Variants in ERC2 observed in about 807,000 individuals in gnomAD.
The protein encoded by ERC2 is ELKS/RAB6-interacting/CAST family member 2, also known as ERC protein 2.
In ERC2, 42 loss-of-function variants were observed where a neutral mutation model predicts 114.8. The observed-to-expected ratio is 0.37, with a 90% CI of 0.29 to 0.47. The LOEUF (loss-of-function observed/expected upper bound fraction) is 0.47. Among genes scored for constraint, ERC2 ranks in the 20% least tolerant of loss-of-function variants. ERC2 has a pLI of 0.99. For missense variants in ERC2, 939 were observed against 1,150.7 expected, an observed-to-expected ratio of 0.82 and a Z score of 2.66; for synonymous variants, 454 against 425.5, an observed-to-expected ratio of 1.07 and a Z score of -0.82.
chr3:55,922,286 A>G (rs2065474042), intron 13 of ERC2, among the ~76,000 whole-genome samples: 1 of 152,126 alleles, frequency 6.6e-6, no homozygotes. Flanking sequence ...ACCCAGGGGA[A>G]AAACATCATA....
intron 4 of ERC2, among the ~76,000 whole-genome samples, chr3:56,161,528 G>GA (rs1353589508): frequency 6.6e-6 from 1 of 152,154 alleles, no homozygotes; most frequent in Admixed American, 6.5e-5. Context: ...CACTCTATGA[G>GA]CATGGAATGT....
intron 3 of ERC2, among the ~76,000 whole-genome samples, chr3:56,237,041 G>C (rs1442348013): frequency 6.6e-6 from 1 of 152,140 alleles, no homozygotes; most frequent in Non-Finnish European, 1.5e-5. Context: ...GGCAAAAACA[G>C]ACCCAACTTG....
intron 14 of ERC2, among the ~76,000 whole-genome samples, chr3:55,818,121 A>G (rs552386499): frequency 1.3e-5 from 2 of 152,278 alleles, no homozygotes; most frequent in Admixed American, 1.3e-4. Context: ...TTTTGGCAAA[A>G]CAGCCAAGAC....
chr3:56,099,655 C>G (rs770789507), intron 6 of ERC2, among the ~76,000 whole-genome samples: 8 of 152,258 alleles, frequency 5.3e-5, no homozygotes, highest in Admixed American at 2.0e-4. Context: ...GTGCGAGTTG[C>G]CAGATCCTAA....
chr3:55,605,681 T>C (rs2058612530), intron 17 of ERC2, among the ~76,000 whole-genome samples: 1 of 152,196 alleles, frequency 6.6e-6, no homozygotes. Context: ...CTGTAGGCAG[T>C]TATTACAATA....
At chr3:56,257,968 C>T (rs115500000) in intron 3 of ERC2, among the ~76,000 whole-genome samples, 1,632 of 152,290 alleles carry the variant, frequency 0.011, 26 homozygotes, top group African/African-American at 0.037. Context: ...CTTCTGAATG[C>T]GTCCCTGTGC....
chr3:56,309,301 A>G (rs2056406015), intron 2 of ERC2, among the ~76,000 whole-genome samples: 1 of 152,170 alleles, frequency 6.6e-6, no homozygotes, highest in African/African-American at 2.4e-5. Flanking sequence ...TGCATAACTC[A>G]CTTTGGTTGA....
intron 8 of ERC2, among the ~76,000 whole-genome samples, chr3:56,016,712 G>C (rs2073336649): frequency 6.6e-6 from 1 of 151,978 alleles, no homozygotes; most frequent in Non-Finnish European, 1.5e-5. Flanking sequence ...GAAACCCATG[G>C]GCATTTAATC....
At chr3:56,033,357 C>T (rs957860143) in intron 7 of ERC2, among the ~76,000 whole-genome samples, 2 of 152,148 alleles carry the variant, frequency 1.3e-5, no homozygotes. Flanking sequence ...TCCACTATTA[C>T]AGTTTTAGAG....
intron 17 of ERC2, among the ~76,000 whole-genome samples, chr3:55,536,223 C>T (rs891424471): frequency 6.6e-6 from 1 of 152,184 alleles, no homozygotes; most frequent in Non-Finnish European, 1.5e-5. Context: ...TAGCTTTCTC[C>T]TGTCCTCCTT....
intron 14 of ERC2, among the ~76,000 whole-genome samples, chr3:55,843,197 T>G (rs557658609): frequency 6.6e-6 from 1 of 152,276 alleles, no homozygotes; most frequent in African/African-American, 2.4e-5. Context: ...AGGAATATGG[T>G]CTCCATTACT....
intron 14 of ERC2, among the ~76,000 whole-genome samples, chr3:55,770,435 T>A (rs770586128): frequency 6.6e-6 from 1 of 152,142 alleles, no homozygotes; most frequent in East Asian, 1.9e-4. Flanking sequence ...ATTGGAAGAA[T>A]TGGTAACATC....
chr3:56,020,993 G>A (rs190397583), intron 7 of ERC2, among the ~76,000 whole-genome samples: 51 of 152,188 alleles, frequency 3.4e-4, no homozygotes, highest in African/African-American at 1.1e-3. Context: ...GGAGACATGC[G>A]ATCTGTTTAT....
chr3:55,608,018 A>G lies in ERC2; in HGVS notation c.*39+75776T>C, dbSNP rs2058719978. On this transcript the variant is annotated intron_variant, in intron 17 of 17. Coordinates refer to ENST00000288221, the MANE Select transcript of ERC2 (RefSeq NM_015576.3). ...AAAAAAACAAAACAAAAAACCCCCT[A>G]AAGGCTGGGAAAGTCCCAGCAGCTT... The G allele has an allele frequency of 2.0e-5, 3 of 152,188 alleles. No homozygotes were observed. The South Asian group carries it at 6.2e-4, about 32-fold the overall frequency. 9.4% of individuals were successfully genotyped at this position (152,188 alleles called of 1,614,324 possible). A position where few individuals can be genotyped will look rare whatever the true frequency, so the allele number is the denominator to read the frequency against.
chr3:56,032,963 A>AAG (rs1560057028), intron 7 of ERC2, among the ~76,000 whole-genome samples: 1 of 106,118 alleles, frequency 9.4e-6, no homozygotes, highest in African/African-American at 3.4e-5. Flanking sequence ...AAGAAACAGA[A>AAG]AGAAAGAAAG....
intron 3 of ERC2, among the ~76,000 whole-genome samples, chr3:56,244,128 A>G (rs1346004330): frequency 3.3e-5 from 5 of 152,158 alleles, no homozygotes. Context: ...ACTATATACA[A>G]TGGTGTTCCC....
At chr3:55,652,894 T>C (rs908392952) in intron 17 of ERC2, among the ~76,000 whole-genome samples, 7 of 150,178 alleles carry the variant, frequency 4.7e-5, no homozygotes, top group Non-Finnish European at 1.0e-4. Context: ...CCAATACATG[T>C]TATTGTTCTG....
intron 12 of ERC2, among the ~76,000 whole-genome samples, chr3:55,960,210 C>T (rs1447538118): frequency 3.2e-4 from 49 of 152,206 alleles, no homozygotes; most frequent in Admixed American, 3.2e-3. Flanking sequence ...ATACAATCTT[C>T]CAACGGCTTC....
At chr3:55,945,882 T>C (rs189482939) in intron 13 of ERC2, among the ~76,000 whole-genome samples, 2 of 152,042 alleles carry the variant, frequency 1.3e-5, no homozygotes, top group Non-Finnish European at 2.9e-5. Flanking sequence ...GGCAATAAAT[T>C]GAAGAGAATT....
Sources: gnomAD v4.1 joint callset for allele counts (sites outside exome capture counted in the v4.1 genomes callset) on GRCh38, gnomAD v4.1.1 for gene constraint, MANE v1.5 for transcripts, NCBI Gene and HGNC (gene_info 2026-07-23, HGNC 2026-07-21) for gene names.